PHLPP1: variants seen among roughly 807,000 people sequenced by gnomAD.
The protein encoded by PHLPP1 is PH domain leucine-rich repeat-containing protein phosphatase 1.
Under a neutral mutation model 117.2 loss-of-function variants are expected in PHLPP1, and 42 were observed. That is an observed-to-expected ratio of 0.36 (90% CI 0.28 to 0.46). The LOEUF (loss-of-function observed/expected upper bound fraction) is 0.46, where lower values mean the gene tolerates loss of function less well. Ranked by LOEUF, PHLPP1 falls within the 20% of genes least tolerant of loss-of-function variation. The probability of loss-of-function intolerance (pLI) is 1.00; values close to 1 mark genes in which losing one functional copy is unlikely to be tolerated. For missense variants in PHLPP1, 2,084 were observed against 2,241.9 expected (o/e 0.93, Z 1.42); for synonymous variants, 1,042 against 970.7 (o/e 1.07, Z -1.37).
chr18:62,844,775 T>G (rs987610057), intron 3 of PHLPP1, among the ~76,000 whole-genome samples: 1 of 152,216 alleles, frequency 6.6e-6, no homozygotes, highest in Non-Finnish European at 1.5e-5. Flanking sequence ...GAAATAGTGA[T>G]GTAGCATGTG....
At position 62,716,939 on chromosome 18, in the gene PHLPP1, C is replaced by A. The variant is rs1354951254; in HGVS notation, c.1256C>A (p.Ala419Asp). ...TCCTCGCCTCAGCCGCAGCAGAAAG[C>A]CCCGAGGGCCATTGACAGCCCGGGC... ...TASSPQPQQK[A>D]PRAIDSPGGA... The change falls in exon 1 of 17, where the codon GCC (alanine) becomes GAC (aspartate). Residue 419 changes from alanine to aspartate, a missense_variant. Physicochemically the swap from Ala to Asp is moderately radical, Grantham distance 126. This residue lies in a region of PHLPP1 where 719 missense variants were observed against 636.0 expected (regional missense o/e 1.13). Transcript: ENST00000262719. This position sits in a 1 kb window ranked among gnomAD's most constrained non-coding sequence, Gnocchi z 5.7. 1 of 1,536,282 alleles carries A rather than the reference C, an allele frequency of 6.5e-7. No individual in the cohort carries two copies. The highest frequency in any genetic ancestry group is 1.4e-5 in the African/African-American group (1 of 72,818).
intron 1 of PHLPP1, among the ~76,000 whole-genome samples, chr18:62,744,726 C>T (rs1052460191): frequency 9.2e-5 from 14 of 152,194 alleles, no homozygotes; most frequent in Non-Finnish European, 1.3e-4. Flanking sequence ...ATGTTAGCAC[C>T]TCTACTTCCT....
chr18:62,900,301 TAATA>T (rs142418645), intron 6 of PHLPP1, among the ~76,000 whole-genome samples: 20,620 of 144,384 alleles, frequency 0.14, 1,762 homozygotes, highest in East Asian at 0.25. Context: ...TGCCTTAAAA[TAATA>T]AATAAATAAA....
chr18:62,854,124 G>A (rs1599084184), intron 3 of PHLPP1, among the ~76,000 whole-genome samples: 1 of 152,290 alleles, frequency 6.6e-6, no homozygotes, highest in East Asian at 1.9e-4. Context: ...TCTCCTGTAT[G>A]TCAAGTTGTG....
chr18:62,750,083 C>A (rs1390780153), intron 1 of PHLPP1, among the ~76,000 whole-genome samples: 1 of 152,008 alleles, frequency 6.6e-6, no homozygotes, highest in African/African-American at 2.4e-5. Flanking sequence ...GGGTTAAGGC[C>A]CACCCTAACA....
At chr18:62,799,822 C>T (rs1913725333) in intron 1 of PHLPP1, among the ~76,000 whole-genome samples, 2 of 152,142 alleles carry the variant, frequency 1.3e-5, no homozygotes, top group African/African-American at 4.8e-5. Flanking sequence ...CAGAACATAT[C>T]TCTTAAATGT....
intron 1 of PHLPP1, among the ~76,000 whole-genome samples, chr18:62,803,175 G>A (rs1913835188): frequency 6.6e-6 from 1 of 152,124 alleles, no homozygotes; most frequent in Non-Finnish European, 1.5e-5. Flanking sequence ...TTAACAGTTT[G>A]TATGCTAGAA....
chr18:62,740,513 A>C (rs1911493459), intron 1 of PHLPP1, among the ~76,000 whole-genome samples: 2 of 152,248 alleles, frequency 1.3e-5, no homozygotes, highest in Admixed American at 1.3e-4. Flanking sequence ...GAGGACAATT[A>C]ATAAATAATA....
intron 4 of PHLPP1, among the ~76,000 whole-genome samples, chr18:62,882,876 A>T (rs1426267109): frequency 6.6e-6 from 1 of 151,694 alleles, no homozygotes; most frequent in Admixed American, 6.6e-5. Flanking sequence ...AATTTATTTA[A>T]ATTGAATGGA....
rs181670571 is a variant in PHLPP1, at chr18:62,719,692, A to G, written c.1576+2433A>G. Among the ~76,000 whole-genome samples, 5 of 152,262 alleles carry G rather than the reference A, an allele frequency of 3.3e-5. No individual in the cohort carries two copies. In the East Asian group the frequency reaches 9.6e-4, roughly 29 times the overall value. On this transcript the variant is annotated intron_variant, in intron 1 of 16. Coordinates refer to ENST00000262719, the MANE Select transcript of PHLPP1 (RefSeq NM_194449.4). ...TAATTTTATACATAACTTATTTTTA[A>G]ATTTATTGCTGCATGTTGTTTTGTT...
At chr18:62,973,826 A>G (rs140035334) in intron 15 of PHLPP1, among the ~76,000 whole-genome samples, 48 of 152,316 alleles carry the variant, frequency 3.2e-4, no homozygotes, top group African/African-American at 1.1e-3. Flanking sequence ...GTTACCAGTT[A>G]GCTGGGTAAT....
At chr18:62,735,851 A>G (rs1313567039) in intron 1 of PHLPP1, among the ~76,000 whole-genome samples, 4 of 152,182 alleles carry the variant, frequency 2.6e-5, no homozygotes, top group East Asian at 1.9e-4. Context: ...GAACCTGACA[A>G]ATGCCATAAG....
chr18:62,822,275 T>G (rs60195438), intron 1 of PHLPP1, among the ~76,000 whole-genome samples: 26,253 of 136,898 alleles, frequency 0.19, 4,639 homozygotes, highest in African/African-American at 0.45. Context: ...GTTTTTTTTT[T>G]TTTTGTTTTT....
In PHLPP1 at chr18:62,941,760, T is replaced by A. The variant is rs1473395886; in HGVS notation, c.3003T>A (p.Leu1001=). The part of the protein sequence containing the change: ...LNASANKLES[L]PPATLSEETN... ...CCTCTGCGAACAAACTGGAAAGCCTTCCTCCAGCCACGCTTTCCGAAGAGA... is the reference window on the plus strand; with the variant it reads ...CCTCTGCGAACAAACTGGAAAGCCTACCTCCAGCCACGCTTTCCGAAGAGA... The change falls in exon 11 of 17, where the codon CTT becomes CTA. Residue 1001 remains leucine, a synonymous_variant. Coordinates refer to ENST00000262719, the MANE Select transcript of PHLPP1 (RefSeq NM_194449.4). The A allele has an allele frequency of 6.2e-7, 1 of 1,613,840 alleles. No individual in the cohort carries two copies. Among genetic ancestry groups the A allele is most frequent in the East Asian group, 2.2e-5 (1 of 44,888 alleles).
intron 12 of PHLPP1, among the ~76,000 whole-genome samples, chr18:62,949,355 TATGTTTTTAA>T (rs1313414293): frequency 5.9e-5 from 9 of 152,332 alleles, no homozygotes; most frequent in African/African-American, 2.2e-4. Context: ...TATGCTAAAA[TATGTTTTTAA>T]AACACCTGAA....
intron 1 of PHLPP1, among the ~76,000 whole-genome samples, chr18:62,748,478 C>T (rs1911746321): frequency 6.6e-6 from 1 of 152,134 alleles, no homozygotes; most frequent in Non-Finnish European, 1.5e-5. Flanking sequence ...AACTCCTGGG[C>T]TCAAGCAGTC....
chr18:62,923,265 AGT>A (rs1176469747), intron 10 of PHLPP1, among the ~76,000 whole-genome samples: 10 of 152,144 alleles, frequency 6.6e-5, no homozygotes, highest in African/African-American at 2.4e-4. Flanking sequence ...GGCACAGGAG[AGT>A]TCTGGAGTAA....
intron 7 of PHLPP1, 119 bp from the exon 8 acceptor site, chr18:62,905,105 C>A: frequency 2.0e-6 from 1 of 496,276 alleles, no homozygotes. Flanking sequence ...ATGTATTGTA[C>A]TTCCTAAACT....
chr18:62,756,924 C>T (rs765218564), intron 1 of PHLPP1, among the ~76,000 whole-genome samples: 3 of 152,100 alleles, frequency 2.0e-5, no homozygotes, highest in Non-Finnish European at 4.4e-5. Flanking sequence ...TAGAATGAGC[C>T]TCCAGCAATG....
Sources: gnomAD v4.1 joint callset for allele counts (sites outside exome capture counted in the v4.1 genomes callset) on GRCh38, gnomAD v4.1.1 for gene constraint, gnomAD v4.1.1 regional missense constraint, Gnocchi (gnomAD v3.1) non-coding constraint, MANE v1.5 for transcripts, NCBI Gene and HGNC (gene_info 2026-07-23, HGNC 2026-07-21) for gene names.